Variants in CMTM6 observed in about 807,000 individuals in gnomAD.
The protein encoded by CMTM6 is CKLF-like MARVEL transmembrane domain-containing protein 6.
Under a neutral mutation model 13.6 loss-of-function variants are expected in CMTM6, and 5 were observed. The observed-to-expected ratio is 0.37, with a 90% CI of 0.19 to 0.77. The LOEUF is 0.77. Ranked by LOEUF, CMTM6 falls within the 30% of genes least tolerant of loss-of-function variation. The pLI, the probability that CMTM6 is intolerant of heterozygous loss-of-function variation, is 0.50. For synonymous variants in CMTM6, 99 were observed against 84.5 expected, an observed-to-expected ratio of 1.17 and a Z score of -0.94; for missense variants, 196 against 218.6, an observed-to-expected ratio of 0.90 and a Z score of 0.65.
intron 3 of CMTM6, among the ~76,000 whole-genome samples, chr3:32,484,941 A>G (rs1697189930): frequency 6.6e-6 from 1 of 151,802 alleles, no homozygotes. Context: ...ACCTCATTTT[A>G]CCACAAAGTA....
chr3:32,497,246 G>A (rs1032917443), intron 1 of CMTM6, among the ~76,000 whole-genome samples: 9 of 151,618 alleles, frequency 5.9e-5, no homozygotes, highest in East Asian at 2.0e-4. Flanking sequence ...TTAGCCGGGC[G>A]TGGTGGCGGG....
chr3:32,498,395 G>C (rs769069979), intron 1 of CMTM6, among the ~76,000 whole-genome samples: 2 of 152,260 alleles, frequency 1.3e-5, no homozygotes, highest in African/African-American at 2.4e-5. Context: ...GGTCTTCCCT[G>C]TAAGACTGGC....
intron 1 of CMTM6, among the ~76,000 whole-genome samples, chr3:32,500,595 G>C (rs1258513927): frequency 6.6e-6 from 1 of 152,074 alleles, no homozygotes; most frequent in African/African-American, 2.4e-5. Flanking sequence ...ATGAATGATG[G>C]AGAACTAATA....
In CMTM6 at chr3:32,502,771, C is replaced by T; in HGVS notation, c.-26G>A. The T allele has an allele frequency of 7.1e-7, 1 of 1,402,682 alleles. No individual in the cohort carries two copies. The highest frequency in any genetic ancestry group is 9.3e-7 in the Non-Finnish European group (1 of 1,078,168). 86.9% of individuals were successfully genotyped at this position (1,402,682 alleles called of 1,614,324 possible). ...CGCCTCGGGCCGGGGAGCGCGGCGGCCGCAGCAACCGCGCCGTTGACTTCT... is the reference window on the plus strand; with the variant it reads ...CGCCTCGGGCCGGGGAGCGCGGCGGTCGCAGCAACCGCGCCGTTGACTTCT... On this transcript the variant is annotated 5_prime_UTR_variant, in exon 1 of 4. Coordinates refer to ENST00000205636, the MANE Select transcript of CMTM6 (RefSeq NM_017801.3).
chr3:32,492,952 AAC>A (rs1423518489), intron 1 of CMTM6, among the ~76,000 whole-genome samples: 1 of 152,196 alleles, frequency 6.6e-6, no homozygotes, highest in East Asian at 1.9e-4. Flanking sequence ...ACACTTGAGA[AAC>A]AGAGTTCAGA....
rs976929376 is a variant in CMTM6, at chr3:32,502,484, T to C, written c.138+124A>G. On this transcript the variant is annotated intron_variant, in intron 1 of 3. Coordinates refer to ENST00000205636, the MANE Select transcript of CMTM6 (RefSeq NM_017801.3). Reference sequence around the variant, plus strand: ...TTCCCCAGGCTGAGAGGGAAGGAACTAGAGGTGTGGAAACCTCCTTTTACT... The same window carrying C: ...TTCCCCAGGCTGAGAGGGAAGGAACCAGAGGTGTGGAAACCTCCTTTTACT... 13 of 1,244,640 alleles carry C rather than the reference T, an allele frequency of 1.0e-5. No homozygotes were observed. The Admixed American group carries it at 2.3e-4, about 22-fold the overall frequency. 77.1% of individuals were successfully genotyped at this position (1,244,640 alleles called of 1,614,324 possible).
intron 1 of CMTM6, among the ~76,000 whole-genome samples, chr3:32,494,214 A>G (rs1364471014): frequency 2.0e-5 from 3 of 152,162 alleles, no homozygotes; most frequent in Non-Finnish European, 4.4e-5. Flanking sequence ...TTGCTTGGGC[A>G]GTTTGTGTGG....
intron 1 of CMTM6, among the ~76,000 whole-genome samples, chr3:32,493,665 G>A (rs560727953): frequency 9.2e-5 from 14 of 152,270 alleles, no homozygotes; most frequent in South Asian, 4.1e-4. Context: ...GAAGATTTAC[G>A]GGATATGCAG....
In CMTM6 at chr3:32,502,725, G is replaced by A. The variant is rs1219914586; in HGVS notation, c.21C>T (p.Tyr7=). 3 of 1,542,630 alleles carry A rather than the reference G, an allele frequency of 1.9e-6. No homozygotes were observed. The highest frequency in any genetic ancestry group is 1.4e-5 in the African/African-American group (1 of 70,984). MENGAV[Y]SPTTEEDPGP... is the part of the protein sequence containing the mutation. ...CCGGGTCCTCCTCCGTAGTGGGGCT[G>A]TACACCGCTCCGTTCTCCATCGCCT... The change falls in exon 1 of 4, where the codon TAC becomes TAT. Residue 7 remains tyrosine (Y), a synonymous_variant. Transcript: ENST00000205636.
intron 2 of CMTM6, among the ~76,000 whole-genome samples, chr3:32,490,139 G>C (rs1368529864): frequency 6.6e-6 from 1 of 151,988 alleles, no homozygotes; most frequent in African/African-American, 2.4e-5. Flanking sequence ...CCAGCTATTC[G>C]GGAGGCTGAA....
intron 2 of CMTM6, among the ~76,000 whole-genome samples, chr3:32,488,998 G>T (rs1234949656): frequency 6.6e-6 from 1 of 152,178 alleles, no homozygotes; most frequent in Non-Finnish European, 1.5e-5. Context: ...GCCAGGCACG[G>T]TGGCTCACGC....
At chr3:32,490,702 T>C (rs1160386488) in intron 2 of CMTM6, among the ~76,000 whole-genome samples, 2 of 152,198 alleles carry the variant, frequency 1.3e-5, no homozygotes, top group Non-Finnish European at 2.9e-5. Flanking sequence ...AAATGATCAG[T>C]GTGCTTTAAA....
chr3:32,483,924 G>T lies in CMTM6; in HGVS notation c.*36C>A, dbSNP rs376753786. On this transcript the variant is annotated 3_prime_UTR_variant, in exon 4 of 4. Transcript: ENST00000205636. ...CAGGGCTCAGGCACCACAATGCAGG[G>T]TCACTACCTTAGGTAACATCTGCTC... The T allele has an allele frequency of 1.2e-5, 18 of 1,542,334 alleles. No individual in the cohort carries two copies. The highest frequency in any genetic ancestry group is 2.2e-5 in the Admixed American group (1 of 45,044).
At chr3:32,500,485 C>T (rs1272966239) in intron 1 of CMTM6, among the ~76,000 whole-genome samples, 1 of 152,232 alleles carries the variant, frequency 6.6e-6, no homozygotes, top group Non-Finnish European at 1.5e-5. Context: ...TAAATCTCCA[C>T]ATTAAAGAAA....
intron 3 of CMTM6, among the ~76,000 whole-genome samples, chr3:32,484,568 TTAAA>T (rs1559423414): frequency 1.3e-5 from 2 of 152,206 alleles, no homozygotes; most frequent in African/African-American, 2.4e-5. Flanking sequence ...GTTAAATTAC[TTAAA>T]TAATGTTCCA....
At position 32,482,900 on chromosome 3, in the gene CMTM6, CAT is replaced by C. The variant is rs1697167833; in HGVS notation, c.*1058_*1059del. ...ACCTCTGCTAGATGAAGCAGCAGCA[CAT>C]GACTCCATTTCTATCTGATAAGGAG... On this transcript the variant is annotated 3_prime_UTR_variant, in exon 4 of 4. Coordinates refer to ENST00000205636, the MANE Select transcript of CMTM6 (RefSeq NM_017801.3). The C allele has an allele frequency of 6.6e-6, 1 of 152,074 alleles. No individual in the cohort carries two copies. Among genetic ancestry groups the C allele is most frequent in the Non-Finnish European group, 1.5e-5 (1 of 67,994 alleles). 9.4% of individuals were successfully genotyped at this position (152,074 alleles called of 1,614,324 possible).
Position 32,481,651 on chromosome 3 carries a change from C to T in CMTM6, c.*2309G>A, listed in dbSNP as rs945203754. Reference sequence around the variant, plus strand: ...TAACAGTGGTTTCTGGTCCCAAGTTCCCCTTGAACTTATTTACTACAATGG... The same window carrying T: ...TAACAGTGGTTTCTGGTCCCAAGTTTCCCTTGAACTTATTTACTACAATGG... On this transcript the variant is annotated 3_prime_UTR_variant, in exon 4 of 4. Transcript: ENST00000205636. The T allele has an allele frequency of 6.6e-6, 1 of 152,036 alleles. No homozygotes were observed. Among genetic ancestry groups the T allele is most frequent in the African/African-American group, 2.4e-5 (1 of 41,400 alleles). The allele number at this position is 152,036 out of a possible 1,614,324, so 9.4% of individuals were successfully genotyped here. A position where few individuals can be genotyped will look rare whatever the true frequency, so the allele number is the denominator to read the frequency against.
rs1023923528 is a variant in CMTM6 at position 32,484,382 on chromosome 3, AG to A, written c.415-286del. ...ATGTGGAGGGCTAATATATGAAAGT[AG>A]GGTTAACAGATAAACATTAAATCCT... is the stretch of plus-strand genomic sequence containing the variant. On this transcript the variant is annotated intron_variant, in intron 3 of 3. Transcript: ENST00000205636. Among the ~76,000 whole-genome samples, 99 of 152,338 alleles carry A rather than the reference AG, an allele frequency of 6.5e-4. 2 individuals carry two copies. The highest frequency in any genetic ancestry group is 2.2e-3 in the African/African-American group (93 of 41,578).
chr3:32,496,299 C>T (rs342763), intron 1 of CMTM6, among the ~76,000 whole-genome samples: 36,630 of 151,260 alleles, frequency 0.24, 4,549 homozygotes, highest in Middle Eastern at 0.26. Context: ...GAAATTCTGT[C>T]GGCCAGATGC....
Sources: gnomAD v4.1 joint callset for allele counts (sites outside exome capture counted in the v4.1 genomes callset) on GRCh38, gnomAD v4.1.1 for gene constraint, MANE v1.5 for transcripts, NCBI Gene and HGNC (gene_info 2026-07-23, HGNC 2026-07-21) for gene names.